ANKS1B: variants seen among roughly 807,000 people sequenced by gnomAD.
ANKS1B encodes ankyrin repeat and sterile alpha motif domain-containing protein 1B.
A neutral mutation model predicts 148.3 loss-of-function variants in ANKS1B; 36 were observed. The observed-to-expected ratio is 0.24, with a 90% CI of 0.19 to 0.32. ANKS1B has a LOEUF of 0.32. ANKS1B is among the 10% of genes least tolerant of loss of function. The probability of loss-of-function intolerance (pLI) is 1.00; values close to 1 mark genes in which losing one functional copy is unlikely to be tolerated. For missense variants in ANKS1B, 1,157 were observed against 1,542.6 expected (o/e 0.75, Z 4.19); for synonymous variants, 542 against 560.8 (o/e 0.97, Z 0.47).
intron 1 of ANKS1B, among the ~76,000 whole-genome samples, chr12:99,956,287 AAAAAAAAG>A (rs1183786795): frequency 6.6e-6 from 1 of 151,914 alleles, no homozygotes; most frequent in Non-Finnish European, 1.5e-5. Context: ...CAAAAAAAAA[AAAAAAAAG>A]CGCATGGATA....
At chr12:98,847,254 C>A (rs1421626338) in intron 17 of ANKS1B, among the ~76,000 whole-genome samples, 3 of 151,908 alleles carry the variant, frequency 2.0e-5, no homozygotes, top group African/African-American at 7.2e-5. Flanking sequence ...TTCTATTTAA[C>A]CATCACCTTT....
chr12:99,327,905 T>A (rs1014709956), intron 12 of ANKS1B, among the ~76,000 whole-genome samples: 3 of 151,882 alleles, frequency 2.0e-5, no homozygotes, highest in Non-Finnish European at 2.9e-5. Flanking sequence ...ATATATCTAT[T>A]TTTAAACTAA....
intron 1 of ANKS1B, among the ~76,000 whole-genome samples, chr12:99,982,327 A>G (rs2095714236): frequency 9.9e-6 from 1 of 100,612 alleles, no homozygotes; most frequent in Non-Finnish European, 2.0e-5. Context: ...CTTGACATCT[A>G]TTCTTTAAAA....
chr12:99,947,474 G>GT (rs1397317897), intron 1 of ANKS1B, among the ~76,000 whole-genome samples: 2 of 152,022 alleles, frequency 1.3e-5, no homozygotes, highest in Admixed American at 6.6e-5. Flanking sequence ...GTTTAGAAAC[G>GT]TAACAATGAA....
At position 99,034,932 on chromosome 12, in the gene ANKS1B, A is replaced by G. The variant is rs559794893; in HGVS notation, c.2778+18225T>C. ...ATATATTCAGAGTAACATGATAGAA[A>G]TAGATGGTCAGGAGATACCACCTCA... On this transcript the variant is annotated intron_variant, in intron 17 of 26. Transcript: ENST00000683438. Among the ~76,000 whole-genome samples, 75 of 152,318 alleles carry G rather than the reference A, an allele frequency of 4.9e-4. 1 individual carries two copies. Among genetic ancestry groups the G allele is most frequent in the African/African-American group, 1.8e-3 (75 of 41,570 alleles).
At chr12:99,080,024 T>C (rs2049128241) in intron 16 of ANKS1B, 1 of 152,404 alleles carries the variant, frequency 6.6e-6, no homozygotes, top group Non-Finnish European at 1.5e-5. Context: ...TCCCATTCCT[T>C]TCTGCCAATC....
At chr12:99,840,548 G>A (rs550665904) in intron 1 of ANKS1B, among the ~76,000 whole-genome samples, 65 of 152,236 alleles carry the variant, frequency 4.3e-4, no homozygotes, top group African/African-American at 1.5e-3. Flanking sequence ...ACGGCTTAGA[G>A]CAAAGGGGTA....
At chr12:99,413,748 T>C (rs1249293306) in intron 11 of ANKS1B, among the ~76,000 whole-genome samples, 5 of 152,164 alleles carry the variant, frequency 3.3e-5, no homozygotes, top group Non-Finnish European at 2.9e-5. Flanking sequence ...AAAGACAAAT[T>C]ATAAAACAGA....
intron 16 of ANKS1B, among the ~76,000 whole-genome samples, chr12:99,083,102 T>C (rs2050390990): frequency 6.6e-6 from 1 of 152,224 alleles, no homozygotes; most frequent in Non-Finnish European, 1.5e-5. Context: ...CTCCTTTGTA[T>C]ATTTGGCTCA....
chr12:99,315,970 T>C (rs1247019849), intron 12 of ANKS1B, among the ~76,000 whole-genome samples: 1 of 152,184 alleles, frequency 6.6e-6, no homozygotes, highest in Non-Finnish European at 1.5e-5. Context: ...AGTTTCCAGC[T>C]TCAACCATGT....
intron 17 of ANKS1B, among the ~76,000 whole-genome samples, chr12:98,911,057 T>C (rs1355035979): frequency 6.6e-6 from 1 of 152,170 alleles, no homozygotes; most frequent in African/African-American, 2.4e-5. Context: ...GGGATTTCAA[T>C]GACAAGCCCA....
chr12:99,273,532 A>T (rs1261766691), intron 12 of ANKS1B, among the ~76,000 whole-genome samples: 2 of 151,320 alleles, frequency 1.3e-5, no homozygotes, highest in Non-Finnish European at 2.9e-5. Flanking sequence ...CAAATTTGCA[A>T]ACGTTCTTAA....
At chr12:99,551,133 T>C (rs1183194585) in intron 9 of ANKS1B, among the ~76,000 whole-genome samples, 1 of 152,166 alleles carries the variant, frequency 6.6e-6, no homozygotes. Context: ...GAAATTGTGA[T>C]AGCACTTTCA....
At chr12:99,134,769 G>C (rs1231529244) in intron 15 of ANKS1B, among the ~76,000 whole-genome samples, 2 of 151,008 alleles carry the variant, frequency 1.3e-5, no homozygotes, top group Non-Finnish European at 2.9e-5. Flanking sequence ...ATTTTAAAAA[G>C]CCTTTCTGGG....
chr12:98,756,996 T>C (rs1451949557), intron 25 of ANKS1B, among the ~76,000 whole-genome samples: 1 of 151,058 alleles, frequency 6.6e-6, no homozygotes, highest in Non-Finnish European at 1.5e-5. Context: ...CCCAAAGTGC[T>C]GGGATTACAG....
At chr12:99,561,307 T>G (rs1050257779) in intron 9 of ANKS1B, among the ~76,000 whole-genome samples, 1 of 152,198 alleles carries the variant, frequency 6.6e-6, no homozygotes, top group African/African-American at 2.4e-5. Flanking sequence ...CTGCCACTAC[T>G]TTATCAACTA....
At chr12:99,885,362 C>T (rs1469485591) in intron 1 of ANKS1B, among the ~76,000 whole-genome samples, 1 of 149,480 alleles carries the variant, frequency 6.7e-6, no homozygotes, top group African/African-American at 2.5e-5. Flanking sequence ...GTGCAGTGGC[C>T]CGATCTTGGC....
At chr12:99,570,378 T>C (rs141546984) in intron 9 of ANKS1B, among the ~76,000 whole-genome samples, 2,079 of 151,500 alleles carry the variant, frequency 0.014, 54 homozygotes, top group African/African-American at 0.048. Flanking sequence ...CCGGGCACAG[T>C]GGCTCACGCC....
In ANKS1B at chr12:99,517,492, C is replaced by T. The variant is rs544891584; in HGVS notation, c.1273-12851G>A. On this transcript the variant is annotated intron_variant, in intron 9 of 26. Coordinates refer to ENST00000683438, the MANE Select transcript of ANKS1B (RefSeq NM_001352186.2). ...CAACACTTTGGGAGGCCAAGATGGG[C>T]GGATCATCTGAGGTAAGGAGTTCGA... Among the ~76,000 whole-genome samples the T allele has an allele frequency of 7.3e-5, 11 of 150,068 alleles. No homozygotes were observed. The South Asian group carries it at 1.5e-3, about 20-fold the overall frequency.
Sources: allele counts gnomAD v4.1 joint callset (sites outside exome capture counted in the v4.1 genomes callset), GRCh38; gene constraint gnomAD v4.1.1; transcripts MANE v1.5; gene names NCBI Gene and HGNC (gene_info 2026-07-23, HGNC 2026-07-21).